Variants in ARFGEF2 observed in about 807,000 individuals in gnomAD.
ARFGEF2 encodes brefeldin A-inhibited guanine nucleotide-exchange protein 2.
In ARFGEF2, 74 loss-of-function variants were observed where a neutral mutation model predicts 219.9. That is an observed-to-expected ratio of 0.34 (90% confidence interval 0.28 to 0.41). The LOEUF (loss-of-function observed/expected upper bound fraction) is 0.41, where lower values mean the gene tolerates loss of function less well. ARFGEF2 is among the 10% of genes least tolerant of loss of function. The pLI, the probability that ARFGEF2 is intolerant of heterozygous loss-of-function variation, is 1.00. For synonymous variants in ARFGEF2, 733 were observed against 799.2 expected (o/e 0.92, Z 1.40); for missense variants, 1,743 against 2,218.3 (o/e 0.79, Z 4.30).
Position 48,994,339 on chromosome 20 carries a change from T to A in ARFGEF2, c.2974-112T>A, listed in dbSNP as rs2091373887. On this transcript the variant is annotated intron_variant, in intron 21 of 38. Coordinates refer to ENST00000371917, the MANE Select transcript of ARFGEF2 (RefSeq NM_006420.3). ...CTTACTAAATTTGCATAAACATCTA[T>A]ATGGCATAACTCCATTGAACCAACT... 2.3e-6 allele frequency: 3 copies of A among 1,286,164 alleles called. No individual in the cohort carries two copies. In the Admixed American group the frequency reaches 5.3e-5, roughly 23 times the overall value. The allele number at this position is 1,286,164 out of a possible 1,614,324, so 79.7% of individuals were successfully genotyped here.
In ARFGEF2 at chr20:48,976,191, C is replaced by T; in HGVS notation, c.1950C>T (p.Gly650=). 6.2e-7 allele frequency: 1 copy of T among 1,613,984 alleles called. No homozygotes were observed. The highest frequency in any genetic ancestry group is 1.3e-5 in the African/African-American group (1 of 75,026). ...IKQQKEIIEH[G]IELFNKKPKR... ...AACAAAAAGAAATCATTGAACACGG[C>T]ATCGAGCTGTGAGTGGGGCTGCCGT... The change falls in exon 14 of 39, where the codon GGC becomes GGT. Residue 650 remains glycine, a synonymous_variant. Coordinates refer to ENST00000371917, the MANE Select transcript of ARFGEF2 (RefSeq NM_006420.3).
At chr20:48,999,763 A>AG (rs2091413943) in intron 25 of ARFGEF2, among the ~76,000 whole-genome samples, 1 of 145,100 alleles carries the variant, frequency 6.9e-6, no homozygotes, top group Admixed American at 6.7e-5. Flanking sequence ...AAAAAAAAAA[A>AG]AAAAAGAAAT....
chr20:48,938,336 C>T (rs1172003138), intron 1 of ARFGEF2, among the ~76,000 whole-genome samples: 1 of 152,244 alleles, frequency 6.6e-6, no homozygotes, highest in Non-Finnish European at 1.5e-5. Flanking sequence ...AGCACTTTCT[C>T]CTCGGCTCTT....
intron 2 of ARFGEF2, 143 bp downstream of exon 2, chr20:48,941,372 C>T (rs1026745811): frequency 1.6e-5 from 13 of 832,018 alleles, no homozygotes; most frequent in East Asian, 8.0e-5. Context: ...GCTAGGCACA[C>T]GGCACAACTC....
At chr20:49,005,737 CAAAAAAAAAA>C (rs56730863) in intron 26 of ARFGEF2, among the ~76,000 whole-genome samples, 2 of 62,220 alleles carry the variant, frequency 3.2e-5, no homozygotes, top group Admixed American at 1.9e-4. Flanking sequence ...GACTCCGTCT[CAAAAAAAAAA>C]AAAAAAAAAA....
At chr20:48,989,533 T>C (rs1479790869) in intron 19 of ARFGEF2, 23 bp from the exon 20 acceptor site, 2 of 1,614,272 alleles carry the variant, frequency 1.2e-6, no homozygotes, top group East Asian at 2.2e-5. Flanking sequence ...CTGGATGTTA[T>C]TGAAATCTTC....
At chr20:48,986,220 A>G (rs2091325732) in intron 16 of ARFGEF2, among the ~76,000 whole-genome samples, 1 of 152,188 alleles carries the variant, frequency 6.6e-6, no homozygotes, top group South Asian at 2.1e-4. Flanking sequence ...CAGGAATAGT[A>G]TCCCTGTTTT....
At chr20:48,981,974 CCTA>C (rs757213044) in intron 14 of ARFGEF2, among the ~76,000 whole-genome samples, 29 of 152,286 alleles carry the variant, frequency 1.9e-4, no homozygotes, top group Middle Eastern at 3.4e-3. Context: ...CTTTCTGAAG[CCTA>C]CTTCTGTCAG....
chr20:48,974,944 C>T (rs2091251968), intron 13 of ARFGEF2, 70 bp downstream of exon 13: 1 of 1,293,554 alleles, frequency 7.7e-7, no homozygotes, highest in South Asian at 1.2e-5. Flanking sequence ...GAACAGTTGT[C>T]TTAGTATAGT....
In ARFGEF2 at chr20:48,934,781, T is replaced by A. The variant is rs972020180; in HGVS notation, c.122-6418T>A. ...AATGGGCATTCGGGTTGGTTCCAAG[T>A]CTTTGCTATTGTGAATAGTGCTGCA... is the stretch of plus-strand genomic sequence containing the variant. On this transcript the variant is annotated intron_variant, in intron 1 of 38. Coordinates refer to ENST00000371917, the MANE Select transcript of ARFGEF2 (RefSeq NM_006420.3). 2.6e-5 allele frequency among the ~76,000 whole-genome samples: 4 copies of A among 152,346 alleles called. No homozygotes were observed. In the East Asian group the frequency reaches 7.7e-4, roughly 29 times the overall value.
intron 3 of ARFGEF2, among the ~76,000 whole-genome samples, chr20:48,950,794 TAAAAAAAA>T (rs1308938052): frequency 1.2e-3 from 42 of 35,916 alleles, no homozygotes; most frequent in Non-Finnish European, 1.4e-3. Flanking sequence ...AGACCCTGTC[TAAAAAAAA>T]AAAAAAAAAA....
chr20:49,009,398 C>T (rs755406982), intron 26 of ARFGEF2, among the ~76,000 whole-genome samples: 13 of 151,372 alleles, frequency 8.6e-5, no homozygotes, highest in South Asian at 2.1e-4. Flanking sequence ...TGCAATGAGT[C>T]GAGGTCGCTC....
chr20:48,976,042 A>T lies in ARFGEF2; in HGVS notation c.1801A>T (p.Ile601Leu). 6.2e-7 allele frequency: 1 copy of T among 1,612,548 alleles called. No homozygotes were observed. Among genetic ancestry groups the T allele is most frequent in the Non-Finnish European group, 8.5e-7 (1 of 1,180,014 alleles). Residue 601 changes from isoleucine (I) to leucine (L), a missense_variant, in exon 14 of 39, where the codon ATA (isoleucine) becomes TTA (leucine). Ile to Leu is a conservative substitution (Grantham distance 5). Transcript: ENST00000371917. Reference protein sequence around the residue: ...LGQERLTDQEIGDGKGLDMAR... With the variant: ...LGQERLTDQELGDGKGLDMAR... Reference sequence around the variant, plus strand: ...TCAGGAGAGGCTCACGGATCAGGAAATAGGGGATGGGAAAGGCCTTGACAT... The same window carrying T: ...TCAGGAGAGGCTCACGGATCAGGAATTAGGGGATGGGAAAGGCCTTGACAT...
chr20:49,013,434 A>T, intron 28 of ARFGEF2, 130 bp from the exon 29 acceptor site: 1 of 1,156,532 alleles, frequency 8.6e-7, no homozygotes. Flanking sequence ...GTCTGTTCCC[A>T]CTGTACCCTT....
At chr20:48,965,702 C>G (rs1175894524) in intron 7 of ARFGEF2, among the ~76,000 whole-genome samples, 170 bp from the exon 8 acceptor site, 3 of 152,208 alleles carry the variant, frequency 2.0e-5, no homozygotes, top group African/African-American at 7.2e-5. Flanking sequence ...GCTTAAGCAT[C>G]ACTTTGGCCA....
chr20:48,961,029 G>A (rs1409723416), intron 6 of ARFGEF2, among the ~76,000 whole-genome samples: 3 of 150,164 alleles, frequency 2.0e-5, no homozygotes, highest in Admixed American at 6.6e-5. Flanking sequence ...GCAGTGAACC[G>A]AGATTGTGCC....
chr20:48,982,356 C>G (rs1460805690), intron 14 of ARFGEF2, among the ~76,000 whole-genome samples: 2 of 152,326 alleles, frequency 1.3e-5, no homozygotes, highest in Admixed American at 6.5e-5. Flanking sequence ...ATATTGCTGC[C>G]TGATCCTTCC....
chr20:48,976,110 C>G lies in ARFGEF2; in HGVS notation c.1869C>G (p.Ser623=). The change falls in exon 14 of 39, where the codon TCC becomes TCG. Residue 623 remains serine (S), a synonymous_variant. Transcript: ENST00000371917. ...TGACGTCCATGGAGTCCACAGTGTCCTCGGGGACCCAGACAACTGTTCAGG... is the reference window on the plus strand; with the variant it reads ...TGACGTCCATGGAGTCCACAGTGTCGTCGGGGACCCAGACAACTGTTCAGG... ...CSVTSMESTV[S]SGTQTTVQDD... 6.2e-7 allele frequency: 1 copy of G among 1,613,758 alleles called. No individual in the cohort carries two copies. The highest frequency in any genetic ancestry group is 8.5e-7 in the Non-Finnish European group (1 of 1,180,034).
rs751261780 is a variant in ARFGEF2 at position 49,018,841 on chromosome 20, T to C, written c.4510-43T>C. 5 of 1,545,692 alleles carry C rather than the reference T, an allele frequency of 3.2e-6. No homozygotes were observed. In the South Asian group the frequency reaches 4.5e-5, roughly 14 times the overall value. ...AGGCACATCTCTGCCCAAATTATCATGAAGAAAAGTGAGCATTGTGTTTCC... is the reference window on the plus strand; with the variant it reads ...AGGCACATCTCTGCCCAAATTATCACGAAGAAAAGTGAGCATTGTGTTTCC... On this transcript the variant is annotated intron_variant, in intron 33 of 38. Transcript: ENST00000371917.
Sources: allele counts gnomAD v4.1 joint callset (sites outside exome capture counted in the v4.1 genomes callset), GRCh38; gene constraint gnomAD v4.1.1; transcripts MANE v1.5; gene names NCBI Gene and HGNC (gene_info 2026-07-23, HGNC 2026-07-21).